Variants in PTPRD observed in about 807,000 individuals in gnomAD.
PTPRD encodes the protein receptor-type tyrosine-protein phosphatase delta.
Under a neutral mutation model 214.5 loss-of-function variants are expected in PTPRD, and 34 were observed. The ratio of observed to expected loss-of-function variants is 0.16; its 90% CI spans 0.12 to 0.21. The LOEUF is 0.21. Among genes scored for constraint, PTPRD ranks in the 10% least tolerant of loss-of-function variants. PTPRD has a pLI of 1.00. For missense variants in PTPRD, 2,545 were observed against 2,398.7 expected (o/e 1.06, Z -1.27); for synonymous variants, 1,128 against 845.7 (o/e 1.33, Z -5.79).
intron 11 of PTPRD, among the ~76,000 whole-genome samples, chr9:8,887,653 C>T (rs115733225): frequency 0.02 from 2,997 of 152,192 alleles, 95 homozygotes; most frequent in African/African-American, 0.068. Context: ...TTTGTTTCTT[C>T]AAAACCTATC....
At chr9:9,053,782 T>C (rs764639095) in intron 10 of PTPRD, among the ~76,000 whole-genome samples, 4 of 152,232 alleles carry the variant, frequency 2.6e-5, no homozygotes, top group Admixed American at 6.5e-5. Context: ...TTATTGAAAA[T>C]GTTGATTAGC....
At chr9:9,507,367 T>G (rs1043324317) in intron 8 of PTPRD, among the ~76,000 whole-genome samples, 2 of 151,278 alleles carry the variant, frequency 1.3e-5, no homozygotes, top group Non-Finnish European at 3.0e-5. Flanking sequence ...TTGGCTTCTA[T>G]ATACTTTCTT....
chr9:8,812,152 T>C (rs2096821907), intron 11 of PTPRD, among the ~76,000 whole-genome samples: 1 of 152,180 alleles, frequency 6.6e-6, no homozygotes, highest in Non-Finnish European at 1.5e-5. Flanking sequence ...AAATGTAGAA[T>C]GGCAAGATCC....
chr9:8,709,781 G>C (rs1282863094), intron 12 of PTPRD, among the ~76,000 whole-genome samples: 1 of 152,046 alleles, frequency 6.6e-6, no homozygotes, highest in South Asian at 2.1e-4. Context: ...CCAAATACAG[G>C]AATCAAAGAG....
chr9:9,655,251 C>G (rs72706551), intron 7 of PTPRD, among the ~76,000 whole-genome samples: 3,803 of 152,102 alleles, frequency 0.025, 71 homozygotes, highest in Middle Eastern at 0.041. Context: ...TCTTCAAACT[C>G]AACAATAAGA....
chr9:9,243,860 G>A (rs2099971619), intron 9 of PTPRD, among the ~76,000 whole-genome samples: 1 of 152,168 alleles, frequency 6.6e-6, no homozygotes, highest in Admixed American at 6.6e-5. Flanking sequence ...GTCCCTGTTT[G>A]CAGGTGACAT....
intron 4 of PTPRD, among the ~76,000 whole-genome samples, chr9:9,940,308 G>A (rs749896404): frequency 7.2e-5 from 11 of 152,096 alleles, no homozygotes; most frequent in Non-Finnish European, 1.5e-4. Context: ...CCTTACCTCT[G>A]GTTTCTTGAC....
intron 34 of PTPRD, among the ~76,000 whole-genome samples, 154 bp from the exon 35 acceptor site, chr9:8,436,843 A>G (rs1163341902): frequency 6.6e-6 from 1 of 152,226 alleles, no homozygotes; most frequent in East Asian, 1.9e-4. Flanking sequence ...TAGTTTGGTT[A>G]CTCAAAGCAG....
At chr9:10,388,798 G>A (rs1364029530) in intron 2 of PTPRD, among the ~76,000 whole-genome samples, 1 of 151,838 alleles carries the variant, frequency 6.6e-6, no homozygotes, top group East Asian at 2.0e-4. Flanking sequence ...TATTCTTTAG[G>A]AAGTGTGAGG....
At chr9:8,944,316 G>C (rs1201964083) in intron 11 of PTPRD, among the ~76,000 whole-genome samples, 4 of 152,186 alleles carry the variant, frequency 2.6e-5, no homozygotes, top group East Asian at 1.9e-4. Flanking sequence ...TTGTAAATTA[G>C]TATACTCACT....
intron 11 of PTPRD, among the ~76,000 whole-genome samples, chr9:8,837,791 C>A (rs947315154): frequency 6.6e-6 from 1 of 152,104 alleles, no homozygotes; most frequent in Non-Finnish European, 1.5e-5. Context: ...TGTGAGCCAC[C>A]GCAGCCAGCC....
intron 2 of PTPRD, among the ~76,000 whole-genome samples, chr9:10,544,353 G>T (rs535994031): frequency 3.9e-5 from 6 of 152,226 alleles, no homozygotes; most frequent in African/African-American, 1.2e-4. Flanking sequence ...CATTTTAACA[G>T]AAACAAAAGT....
intron 3 of PTPRD, among the ~76,000 whole-genome samples, chr9:10,301,441 C>A (rs2095859390): frequency 6.6e-6 from 1 of 152,134 alleles, no homozygotes; most frequent in Non-Finnish European, 1.5e-5. Flanking sequence ...CAGAAGTAAG[C>A]CTCAGAAGGT....
chr9:10,329,602 T>C (rs2096712443), intron 3 of PTPRD, among the ~76,000 whole-genome samples: 1 of 151,798 alleles, frequency 6.6e-6, no homozygotes. Flanking sequence ...TAATGTCTTG[T>C]GGTTAAGCCA....
chr9:10,206,596 T>C (rs988303060), intron 3 of PTPRD, among the ~76,000 whole-genome samples: 1 of 152,220 alleles, frequency 6.6e-6, no homozygotes, highest in Non-Finnish European at 1.5e-5. Flanking sequence ...TAAATATTCT[T>C]ATTGGAAGCC....
chr9:10,600,061 A>G (rs948940333), intron 2 of PTPRD, among the ~76,000 whole-genome samples: 2 of 151,812 alleles, frequency 1.3e-5, no homozygotes, highest in African/African-American at 4.8e-5. Context: ...GTCATTTAAA[A>G]TACAGAGATG....
chr9:8,945,790 T>C (rs1167892007), intron 11 of PTPRD, among the ~76,000 whole-genome samples: 1 of 152,216 alleles, frequency 6.6e-6, no homozygotes, highest in Non-Finnish European at 1.5e-5. Context: ...CTAGCTAAGA[T>C]GCATCCTCCT....
chr9:9,908,382 G>C (rs1268701641), intron 5 of PTPRD, among the ~76,000 whole-genome samples: 1 of 151,940 alleles, frequency 6.6e-6, no homozygotes, highest in Non-Finnish European at 1.5e-5. Flanking sequence ...AGGTGGGAAG[G>C]GGTCTCTCCA....
chr9:10,107,456 A>G (rs1456238485), intron 3 of PTPRD, among the ~76,000 whole-genome samples: 19 of 152,042 alleles, frequency 1.2e-4, no homozygotes, highest in Admixed American at 1.2e-3. Context: ...TTGCCGTTAG[A>G]ATGACCCCCA....
Sources: gnomAD v4.1 joint callset for allele counts (sites outside exome capture counted in the v4.1 genomes callset) on GRCh38, gnomAD v4.1.1 for gene constraint, MANE v1.5 for transcripts, NCBI Gene and HGNC (gene_info 2026-07-23, HGNC 2026-07-21) for gene names.